The following TRHDE variants were observed in gnomAD, a reference collection of about 807,000 sequenced individuals.
TRHDE encodes thyrotropin-releasing hormone-degrading ectoenzyme.
In TRHDE, 72 loss-of-function variants were observed where a neutral mutation model predicts 125.7. That is an observed-to-expected ratio of 0.57 (90% confidence interval 0.47 to 0.70). The LOEUF (loss-of-function observed/expected upper bound fraction) is 0.70, where lower values mean the gene tolerates loss of function less well. Ranked by LOEUF, TRHDE falls within the 30% of genes least tolerant of loss-of-function variation. The probability of loss-of-function intolerance (pLI) is 0.00; values close to 1 mark genes in which losing one functional copy is unlikely to be tolerated. For synonymous variants in TRHDE, 509 were observed against 509.1 expected (o/e 1.00, Z 0.00); for missense variants, 1,110 against 1,327.1 (o/e 0.84, Z 2.54).
chr12:72,124,355 G>A (rs531297516), intron 2 of TRHDE, among the ~76,000 whole-genome samples: 2 of 152,252 alleles, frequency 1.3e-5, no homozygotes, highest in Non-Finnish European at 2.9e-5. Flanking sequence ...GGAGAAGATA[G>A]GAGATTTTGT....
Position 72,552,156 on chromosome 12 carries a change from T to C in TRHDE, c.1788+9800T>C, listed in dbSNP as rs563604693. ...GGTTTTAAACTGGATATGACATGGC[T>C]CTATTTACATACAGAACAGTTCTCT... On this transcript the variant is annotated intron_variant, in intron 7 of 18. Coordinates refer to ENST00000261180, the MANE Select transcript of TRHDE (RefSeq NM_013381.3). Among the ~76,000 whole-genome samples, 5 of 152,278 alleles carry C rather than the reference T, an allele frequency of 3.3e-5. No homozygotes were observed. The East Asian group carries it at 9.7e-4, about 29-fold the overall frequency.
chr12:72,156,811 A>T (rs1566253789), intron 2 of TRHDE, among the ~76,000 whole-genome samples: 1 of 152,222 alleles, frequency 6.6e-6, no homozygotes, highest in Non-Finnish European at 1.5e-5. Context: ...CATACCAACC[A>T]TATTTTATGG....
intron 6 of TRHDE, among the ~76,000 whole-genome samples, chr12:72,523,397 A>G (rs1413557001): frequency 6.6e-6 from 1 of 152,160 alleles, no homozygotes; most frequent in Non-Finnish European, 1.5e-5. Flanking sequence ...TTGCTGCCAC[A>G]TACAAAAAGC....
intron 2 of TRHDE, among the ~76,000 whole-genome samples, chr12:72,136,615 T>G (rs946980810): frequency 1.3e-5 from 2 of 152,252 alleles, no homozygotes; most frequent in African/African-American, 4.8e-5. Context: ...GAGGTTAATA[T>G]TCTATGTTCT....
At position 72,499,608 on chromosome 12, in the gene TRHDE, G is replaced by C; in HGVS notation, c.1695G>C (p.Arg565Ser). Residue 565 changes from arginine (R) to serine (S), a missense_variant, in exon 6 of 19, where the codon AGG becomes AGC. By Grantham distance (110) the Arg-to-Ser change is moderately radical (BLOSUM62 -1). Transcript: ENST00000261180. Reference sequence around the variant, plus strand: ...TGCTGCAGGCAACAGATATTGACAGGGTGTTTGACTGGATCGCATATAAAA... The same window carrying C: ...TGCTGCAGGCAACAGATATTGACAGCGTGTTTGACTGGATCGCATATAAAA... ...QEVLQATDID[R>S]VFDWIAYKKG... is the part of the protein sequence containing the mutation. 7 of 1,613,528 alleles carry C rather than the reference G, an allele frequency of 4.3e-6. No homozygotes were observed. The highest frequency in any genetic ancestry group is 5.9e-6 in the Non-Finnish European group (7 of 1,179,710).
intron 2 of TRHDE, among the ~76,000 whole-genome samples, chr12:72,173,955 G>A (rs1178877480): frequency 2.6e-5 from 4 of 152,128 alleles, no homozygotes; most frequent in African/African-American, 9.7e-5. Context: ...CTGTATGCAT[G>A]TCGTTTTATA....
intron 2 of TRHDE, among the ~76,000 whole-genome samples, chr12:72,142,691 G>C (rs955545084): frequency 6.6e-6 from 1 of 152,074 alleles, no homozygotes; most frequent in Non-Finnish European, 1.5e-5. Flanking sequence ...CCAAACCCCA[G>C]GCTCCAGCAG....
intron 3 of TRHDE, among the ~76,000 whole-genome samples, chr12:72,416,358 G>C (rs1441530739): frequency 6.6e-6 from 1 of 151,892 alleles, no homozygotes; most frequent in Non-Finnish European, 1.5e-5. Flanking sequence ...TCTCTTTGTT[G>C]ATTGTTTCCT....
intron 6 of TRHDE, among the ~76,000 whole-genome samples, chr12:72,538,981 C>T (rs1265396120): frequency 6.6e-6 from 1 of 151,788 alleles, no homozygotes; most frequent in African/African-American, 2.4e-5. Flanking sequence ...TATTTACTGT[C>T]TTTCCATATA....
chr12:72,120,214 T>G (rs950241885), intron 2 of TRHDE, among the ~76,000 whole-genome samples: 31 of 151,616 alleles, frequency 2.0e-4, no homozygotes, highest in Non-Finnish European at 1.3e-4. Context: ...TCACGCCTGG[T>G]TAATTTTTGT....
At chr12:72,560,144 G>A (rs1448647004) in intron 7 of TRHDE, among the ~76,000 whole-genome samples, 1 of 152,042 alleles carries the variant, frequency 6.6e-6, no homozygotes, top group Non-Finnish European at 1.5e-5. Flanking sequence ...AAAAAAAGTT[G>A]GCACATGTAA....
intron 1 of TRHDE, among the ~76,000 whole-genome samples, chr12:72,096,358 G>T (rs945247221): frequency 6.6e-6 from 1 of 152,058 alleles, no homozygotes; most frequent in African/African-American, 2.4e-5. Flanking sequence ...TTTTATTTTG[G>T]TATTAATAAA....
At chr12:72,560,899 AAG>A (rs1406438601) in intron 7 of TRHDE, 1 of 152,220 alleles carries the variant, frequency 6.6e-6, no homozygotes, top group Non-Finnish European at 1.5e-5. Context: ...TTATTCATTT[AAG>A]TGCAAAAAAG....
intron 2 of TRHDE, among the ~76,000 whole-genome samples, chr12:72,229,800 A>G (rs1161045728): frequency 6.6e-6 from 1 of 152,206 alleles, no homozygotes; most frequent in Non-Finnish European, 1.5e-5. Context: ...GAGGTGAGGA[A>G]GAGGGAAGTG....
At chr12:72,284,703 T>G (rs545133103) in intron 1 of TRHDE, among the ~76,000 whole-genome samples, 136 of 152,346 alleles carry the variant, frequency 8.9e-4, no homozygotes, top group African/African-American at 3.1e-3. Context: ...CCCAGCTTTG[T>G]GCAAGTTGTC....
intron 2 of TRHDE, among the ~76,000 whole-genome samples, chr12:72,205,953 T>C (rs1298145336): frequency 6.6e-6 from 1 of 152,100 alleles, no homozygotes; most frequent in African/African-American, 2.4e-5. Context: ...AGCTGTGCCA[T>C]TTTATAATCC....
At chr12:72,224,357 G>GCTA (rs893209855) in intron 2 of TRHDE, among the ~76,000 whole-genome samples, 7 of 152,078 alleles carry the variant, frequency 4.6e-5, no homozygotes, top group African/African-American at 1.7e-4. Flanking sequence ...CCAAGAAAGG[G>GCTA]CTATAGGTTG....
intron 15 of TRHDE, among the ~76,000 whole-genome samples, chr12:72,651,615 A>G (rs1874510241): frequency 6.6e-6 from 1 of 152,026 alleles, no homozygotes; most frequent in Admixed American, 6.6e-5. Flanking sequence ...TAAAGAAATA[A>G]TATTTAGTAA....
intron 15 of TRHDE, among the ~76,000 whole-genome samples, chr12:72,642,829 G>T (rs1226748498): frequency 6.6e-6 from 1 of 152,104 alleles, no homozygotes; most frequent in Non-Finnish European, 1.5e-5. Context: ...CATAACTGTG[G>T]GTTCTGTGGG....
Sources: gnomAD v4.1 joint callset for allele counts (sites outside exome capture counted in the v4.1 genomes callset) on GRCh38, gnomAD v4.1.1 for gene constraint, MANE v1.5 for transcripts, NCBI Gene and HGNC (gene_info 2026-07-23, HGNC 2026-07-21) for gene names.